Variants in SH3GL2 observed in about 807,000 individuals in gnomAD.
SH3GL2 encodes SH3 domain containing GRB2 like 2, endophilin A1.
Under a neutral mutation model 46.0 loss-of-function variants are expected in SH3GL2, and 24 were observed. The ratio of observed to expected loss-of-function variants is 0.52; its 90% CI spans 0.38 to 0.73. SH3GL2 has a LOEUF of 0.73. SH3GL2 is among the 30% of genes least tolerant of loss of function. SH3GL2 has a pLI of 0.00. For missense variants in SH3GL2, 413 were observed against 424.2 expected (o/e 0.97, Z 0.23); for synonymous variants, 196 against 147.1 (o/e 1.33, Z -2.40).
intron 1 of SH3GL2, among the ~76,000 whole-genome samples, chr9:17,611,346 TTTGGTTGAAA>T (rs1470505334): frequency 6.6e-6 from 1 of 152,146 alleles, no homozygotes; most frequent in Non-Finnish European, 1.5e-5. Context: ...CATTTTTGCT[TTTGGTTGAAA>T]TTGTTCGTGG....
At chr9:17,666,758 A>G (rs2117929203) in intron 1 of SH3GL2, among the ~76,000 whole-genome samples, 1 of 152,144 alleles carries the variant, frequency 6.6e-6, no homozygotes. Flanking sequence ...GGAGGTGAAT[A>G]TTTTGGGTAA....
At chr9:17,602,791 A>G (rs571436207) in intron 1 of SH3GL2, among the ~76,000 whole-genome samples, 3 of 152,250 alleles carry the variant, frequency 2.0e-5, no homozygotes, top group African/African-American at 7.2e-5. Context: ...AAGGACTTCT[A>G]TCACTGAAAC....
intron 1 of SH3GL2, among the ~76,000 whole-genome samples, chr9:17,615,105 G>A (rs1818956751): frequency 6.6e-6 from 1 of 152,126 alleles, no homozygotes; most frequent in South Asian, 2.1e-4. Flanking sequence ...CTACTCCCAG[G>A]TGTTAAGTTA....
chr9:17,696,448 T>A (rs995058042), intron 1 of SH3GL2, among the ~76,000 whole-genome samples: 9 of 152,160 alleles, frequency 5.9e-5, no homozygotes, highest in African/African-American at 2.2e-4. Flanking sequence ...AAGAAATACC[T>A]GAGATGGAGT....
At chr9:17,584,701 G>C (rs1818340445) in intron 1 of SH3GL2, among the ~76,000 whole-genome samples, 1 of 152,124 alleles carries the variant, frequency 6.6e-6, no homozygotes, top group South Asian at 2.1e-4. Flanking sequence ...TTGTGAGAGT[G>C]CCATGCTTGC....
At chr9:17,596,516 C>T (rs1454436858) in intron 1 of SH3GL2, among the ~76,000 whole-genome samples, 9 of 152,172 alleles carry the variant, frequency 5.9e-5, no homozygotes, top group Middle Eastern at 6.8e-3. Flanking sequence ...CCTTAGGCCA[C>T]GAGTCTCCTG....
intron 1 of SH3GL2, among the ~76,000 whole-genome samples, chr9:17,640,748 T>C (rs937064293): frequency 6.6e-6 from 1 of 152,248 alleles, no homozygotes; most frequent in Non-Finnish European, 1.5e-5. Flanking sequence ...AAGTATTTAT[T>C]GTGCATATAT....
intron 1 of SH3GL2, among the ~76,000 whole-genome samples, chr9:17,651,187 T>A (rs1819949967): frequency 6.6e-6 from 1 of 152,170 alleles, no homozygotes; most frequent in African/African-American, 2.4e-5. Context: ...TTGAAAAAAA[T>A]GTCTAAGCCA....
chr9:17,637,690 G>A (rs1819573375), intron 1 of SH3GL2, among the ~76,000 whole-genome samples: 2 of 152,156 alleles, frequency 1.3e-5, no homozygotes, highest in South Asian at 4.1e-4. Context: ...CTCCTCACCA[G>A]TAAGAGTGGG....
intron 1 of SH3GL2, among the ~76,000 whole-genome samples, chr9:17,721,067 G>A (rs1042505760): frequency 1.3e-5 from 2 of 151,942 alleles, no homozygotes; most frequent in Non-Finnish European, 2.9e-5. Context: ...CTGAACTCTC[G>A]CACTCTCCTC....
chr9:17,780,459 G>T (rs566301520), intron 3 of SH3GL2, among the ~76,000 whole-genome samples: 2 of 147,936 alleles, frequency 1.4e-5, no homozygotes, highest in African/African-American at 5.0e-5. Context: ...TAGATATTTT[G>T]AATAGCACAG....
chr9:17,754,603 G>A (rs1261449845), intron 2 of SH3GL2, among the ~76,000 whole-genome samples: 4 of 152,094 alleles, frequency 2.6e-5, no homozygotes, highest in Non-Finnish European at 5.9e-5. Flanking sequence ...AACCCAGGAG[G>A]TGGAGCTTGC....
chr9:17,736,196 G>GTA (rs1822329072), intron 1 of SH3GL2, among the ~76,000 whole-genome samples: 1 of 152,080 alleles, frequency 6.6e-6, no homozygotes, highest in Non-Finnish European at 1.5e-5. Flanking sequence ...ATATGTGTGT[G>GTA]TATGTATGTA....
intron 3 of SH3GL2, among the ~76,000 whole-genome samples, chr9:17,768,913 C>G (rs962386350): frequency 1.3e-5 from 2 of 152,218 alleles, no homozygotes; most frequent in Non-Finnish European, 2.9e-5. Flanking sequence ...ATGTGGGTTA[C>G]AAAGTCCTGA....
rs141929719 is a variant in SH3GL2 at position 17,725,145 on chromosome 9, G to A, written c.46-21921G>A. On this transcript the variant is annotated intron_variant, in intron 1 of 8. Transcript: ENST00000380607. The stretch of plus-strand genomic sequence containing the variant: ...GTAGCTTAATGTTCAGCAAGTATTT[G>A]GTCTAAGGTTGTGCTTAAGCCCCTC... Among the ~76,000 whole-genome samples the A allele has an allele frequency of 6.6e-5, 10 of 152,212 alleles. No homozygotes were observed. In the East Asian group the frequency reaches 1.9e-3, roughly 30 times the overall value.
Position 17,796,736 on chromosome 9 carries a change from A to G in SH3GL2, c.*993A>G, listed in dbSNP as rs562626424. The G allele has an allele frequency of 2.0e-5, 3 of 152,792 alleles. No homozygotes were observed. The East Asian group carries it at 5.8e-4, about 29-fold the overall frequency. 9.5% of individuals were successfully genotyped at this position (152,792 alleles called of 1,614,324 possible). A position where few individuals can be genotyped will look rare whatever the true frequency, so the allele number is the denominator to read the frequency against. ...TGTGTTCTTTGAACATCATTTGTGC[A>G]GATTCTGCCCTCAATGAGGACCAAA... On this transcript the variant is annotated 3_prime_UTR_variant, in exon 9 of 9. Coordinates refer to ENST00000380607, the MANE Select transcript of SH3GL2 (RefSeq NM_003026.5).
intron 1 of SH3GL2, among the ~76,000 whole-genome samples, chr9:17,639,240 T>G (rs898079330): frequency 1.3e-5 from 2 of 152,204 alleles, no homozygotes; most frequent in African/African-American, 4.8e-5. Context: ...ACTTTTGTTC[T>G]TTGGAAGATA....
At chr9:17,589,399 A>G (rs1437005870) in intron 1 of SH3GL2, 2 of 151,668 alleles carry the variant, frequency 1.3e-5, no homozygotes, top group Non-Finnish European at 2.9e-5. Context: ...TTTGATATTT[A>G]GATGTTTTTC....
Position 17,579,133 on chromosome 9 carries a change from C to G in SH3GL2, c.-110C>G. On this transcript the variant is annotated 5_prime_UTR_variant, in exon 1 of 9. Coordinates refer to ENST00000380607, the MANE Select transcript of SH3GL2 (RefSeq NM_003026.5). ...CGCGCCCTCGCGCCCATAGCCCCGG[C>G]GGCGGCACGACCAGAGGCGGCCAGG... 1 of 658,230 alleles carries G rather than the reference C, an allele frequency of 1.5e-6. No individual in the cohort carries two copies. The highest frequency in any genetic ancestry group is 2.5e-5 in the South Asian group (1 of 40,208). The allele number at this position is 658,230 out of a possible 1,614,324, so 40.8% of individuals were successfully genotyped here. A position where few individuals can be genotyped will look rare whatever the true frequency, so the allele number is the denominator to read the frequency against.
Sources: gnomAD v4.1 joint callset for allele counts (sites outside exome capture counted in the v4.1 genomes callset) on GRCh38, gnomAD v4.1.1 for gene constraint, MANE v1.5 for transcripts, NCBI Gene and HGNC (gene_info 2026-07-23, HGNC 2026-07-21) for gene names.